DPP10: variants seen among roughly 807,000 people sequenced by gnomAD.
The protein encoded by DPP10 is dipeptidyl peptidase like 10, also known as inactive dipeptidyl peptidase 10.
In DPP10, 33 loss-of-function variants were observed where a neutral mutation model predicts 120.9. The ratio of observed to expected loss-of-function variants is 0.27; its 90% CI spans 0.21 to 0.37. DPP10 has a LOEUF of 0.37. DPP10 is among the 10% of genes least tolerant of loss of function. DPP10 has a pLI of 1.00. For synonymous variants in DPP10, 337 were observed against 326.1 expected, an observed-to-expected ratio of 1.03 and a Z score of -0.36; for missense variants, 816 against 942.8, an observed-to-expected ratio of 0.87 and a Z score of 1.76.
chr2:114,474,118 C>T (rs1014483834), intron 1 of DPP10, among the ~76,000 whole-genome samples: 9 of 152,062 alleles, frequency 5.9e-5, no homozygotes, highest in East Asian at 1.9e-4. Flanking sequence ...CCACCAGGCC[C>T]GGCTAATATT....
chr2:115,010,884 G>T (rs1299664734), intron 1 of DPP10, among the ~76,000 whole-genome samples: 1 of 152,130 alleles, frequency 6.6e-6, no homozygotes, highest in East Asian at 1.9e-4. Context: ...AAAGATTGAT[G>T]CAGAACAACT....
At chr2:114,725,616 G>A (rs987457969) in intron 1 of DPP10, among the ~76,000 whole-genome samples, 2 of 152,150 alleles carry the variant, frequency 1.3e-5, no homozygotes, top group African/African-American at 4.8e-5. Flanking sequence ...GATTTTTACT[G>A]AGCATTACTA....
At chr2:115,216,925 CTA>C (rs567128659) in intron 1 of DPP10, among the ~76,000 whole-genome samples, 106 of 151,396 alleles carry the variant, frequency 7.0e-4, no homozygotes, top group African/African-American at 2.4e-3. Context: ...GTATATATGT[CTA>C]TGTATATTTG....
At chr2:114,657,763 T>TATATATTATATATTGTATATATATTGTA (rs1697073888) in intron 1 of DPP10, among the ~76,000 whole-genome samples, 1 of 152,182 alleles carries the variant, frequency 6.6e-6, no homozygotes, top group African/African-American at 2.4e-5. Context: ...TTAATGAAAT[T>TATATATTATATATTGTATATATATTGTA]TAAGCACAAA....
At chr2:115,049,965 T>C (rs890152545) in intron 1 of DPP10, among the ~76,000 whole-genome samples, 9 of 152,204 alleles carry the variant, frequency 5.9e-5, no homozygotes, top group Non-Finnish European at 1.0e-4. Flanking sequence ...CCTATCAGGT[T>C]ATAATAATTT....
chr2:115,270,885 AT>A (rs58529251), intron 1 of DPP10, among the ~76,000 whole-genome samples: 5,639 of 145,974 alleles, frequency 0.039, 204 homozygotes, highest in East Asian at 0.21. Flanking sequence ...TGTTCTTTAT[AT>A]TGTTTTTTTT....
At chr2:115,475,488 A>C (rs1356897732) in intron 3 of DPP10, among the ~76,000 whole-genome samples, 4 of 152,232 alleles carry the variant, frequency 2.6e-5, no homozygotes, top group Non-Finnish European at 5.9e-5. Context: ...GCCCTCATGG[A>C]GAACCTCCAG....
Position 114,829,838 on chromosome 2 carries a change from C to T in DPP10, c.60+387000C>T, listed in dbSNP as rs115742064. 9.8e-3 allele frequency among the ~76,000 whole-genome samples: 1,491 copies of T among 152,234 alleles called. 28 individuals carry two copies. The highest frequency in any genetic ancestry group is 0.034 in the African/African-American group (1,405 of 41,534). On this transcript the variant is annotated intron_variant, in intron 1 of 25. Transcript: ENST00000410059. ...AAACATCTGTGACAGATCTTGAAAG[C>T]GTCACTATGCGTTTCCTTAAAAGAA...
chr2:115,516,202 G>A (rs911019249), intron 4 of DPP10, among the ~76,000 whole-genome samples: 5 of 152,024 alleles, frequency 3.3e-5, no homozygotes, highest in East Asian at 1.9e-4. Flanking sequence ...AATAGAACCC[G>A]GTTCTTACTT....
intron 1 of DPP10, among the ~76,000 whole-genome samples, chr2:114,883,715 C>T (rs887506264): frequency 6.6e-6 from 1 of 152,246 alleles, no homozygotes. Context: ...CTGAATGATG[C>T]CTTAAGATGT....
At chr2:115,797,993 A>G (rs898780733) in intron 19 of DPP10, among the ~76,000 whole-genome samples, 4 of 151,900 alleles carry the variant, frequency 2.6e-5, no homozygotes, top group Non-Finnish European at 5.9e-5. Context: ...ACACACAGAA[A>G]CACACATGCC....
chr2:115,351,714 T>A (rs973514601), intron 3 of DPP10, among the ~76,000 whole-genome samples: 6 of 152,082 alleles, frequency 3.9e-5, no homozygotes, highest in African/African-American at 1.2e-4. Context: ...CAAGAGTAGA[T>A]AATTTCCTAC....
intron 5 of DPP10, 40 bp from the exon 6 acceptor site, chr2:115,689,647 G>T: frequency 7.8e-7 from 1 of 1,275,032 alleles, no homozygotes; most frequent in South Asian, 1.4e-5. Context: ...TTCACATTAA[G>T]ATAAAGCTAT....
chr2:114,462,712 T>G (rs1001497629), intron 1 of DPP10, among the ~76,000 whole-genome samples: 5 of 152,206 alleles, frequency 3.3e-5, no homozygotes, highest in Admixed American at 3.3e-4. Flanking sequence ...TCCCCCTGCT[T>G]CGCACACCAT....
intron 1 of DPP10, among the ~76,000 whole-genome samples, chr2:114,752,956 C>T (rs1217137386): frequency 6.6e-5 from 10 of 152,178 alleles, no homozygotes; most frequent in African/African-American, 1.9e-4. Flanking sequence ...TCACGGGCAG[C>T]ACTGGATCCT....
rs375185900 is a variant in DPP10, at chr2:115,844,560, C to A, written c.*2215C>A. The stretch of plus-strand genomic sequence containing the variant: ...ATTCTTTGAGTTTTAATGACAGGGT[C>A]ATTTTCAGTAAAGGAAATGCTCACC... On this transcript the variant is annotated 3_prime_UTR_variant, in exon 26 of 26. Coordinates refer to ENST00000410059, the MANE Select transcript of DPP10 (RefSeq NM_020868.6). 14 of 152,228 alleles carry A rather than the reference C, an allele frequency of 9.2e-5. No homozygotes were observed. The South Asian group carries it at 2.9e-3, about 32-fold the overall frequency. 9.4% of individuals were successfully genotyped at this position (152,228 alleles called of 1,614,324 possible).
intron 1 of DPP10, among the ~76,000 whole-genome samples, chr2:115,137,786 G>C (rs2050725332): frequency 6.6e-6 from 1 of 152,300 alleles, no homozygotes; most frequent in South Asian, 2.1e-4. Context: ...TTGTGATTTA[G>C]AAGTTATACA....
At chr2:115,797,468 C>G (rs1459440581) in intron 19 of DPP10, among the ~76,000 whole-genome samples, 3 of 151,864 alleles carry the variant, frequency 2.0e-5, no homozygotes, top group African/African-American at 7.3e-5. Context: ...GTACATATAC[C>G]GTCTGATGTG....
At chr2:115,110,857 C>A (rs1380158548) in intron 1 of DPP10, among the ~76,000 whole-genome samples, 1 of 152,006 alleles carries the variant, frequency 6.6e-6, no homozygotes, top group African/African-American at 2.4e-5. Flanking sequence ...CTTACCCAAC[C>A]ATATGTTCTC....
Sources: allele counts gnomAD v4.1 joint callset (sites outside exome capture counted in the v4.1 genomes callset), GRCh38; gene constraint gnomAD v4.1.1; transcripts MANE v1.5; gene names NCBI Gene and HGNC (gene_info 2026-07-23, HGNC 2026-07-21).